The following RFX4 variants were observed in gnomAD, a reference collection of about 807,000 sequenced individuals.
The protein encoded by RFX4 is transcription factor RFX4.
In RFX4, 10 loss-of-function variants were observed where a neutral mutation model predicts 95.0. The ratio of observed to expected loss-of-function variants is 0.11; its 90% confidence interval spans 0.06 to 0.18. The LOEUF is 0.18. Ranked by LOEUF, RFX4 falls within the 10% of genes least tolerant of loss-of-function variation. RFX4 has a pLI of 1.00. For missense variants in RFX4, 640 were observed against 922.0 expected, an observed-to-expected ratio of 0.69 and a Z score of 3.96; for synonymous variants, 321 against 340.7, an observed-to-expected ratio of 0.94 and a Z score of 0.64.
chr12:106,759,002 C>T (rs760998428), intron 17 of RFX4, among the ~76,000 whole-genome samples: 4 of 152,168 alleles, frequency 2.6e-5, no homozygotes, highest in Non-Finnish European at 5.9e-5. Context: ...GTGCTAGGCA[C>T]CATGCCAGAT....
chr12:106,654,239 A>G lies in RFX4; in HGVS notation c.203A>G (p.Asn68Ser), dbSNP rs374423217. 2.5e-6 allele frequency: 4 copies of G among 1,613,884 alleles called. No homozygotes were observed. Among genetic ancestry groups the G allele is most frequent in the Non-Finnish European group, 3.4e-6 (4 of 1,179,928 alleles). ...GTTTATTTCCCTAGGCTGGAGGAGA[A>G]CTATGAGATTGCAGAGGGGGTCTGC... Reference protein sequence around the residue: ...TPATLQWLEENYEIAEGVCIP... With the variant: ...TPATLQWLEESYEIAEGVCIP... The change falls in exon 4 of 18, where the codon AAC becomes AGC. Residue 68 changes from asparagine to serine, a missense_variant. Asn to Ser is a conservative substitution (Grantham distance 46). Transcript: ENST00000392842.
intron 13 of RFX4, among the ~76,000 whole-genome samples, chr12:106,723,229 T>C (rs1341663465): frequency 6.6e-6 from 1 of 152,200 alleles, no homozygotes; most frequent in African/African-American, 2.4e-5. Flanking sequence ...ACTTTCTTTC[T>C]TTGCTGCAAG....
chr12:106,603,056 C>A (rs569559996), intron 1 of RFX4, among the ~76,000 whole-genome samples: 1 of 152,310 alleles, frequency 6.6e-6, no homozygotes, highest in South Asian at 2.1e-4. Flanking sequence ...TGTTCATCCC[C>A]TCTGTTTGAA....
chr12:106,707,462 G>A (rs1170070395), intron 8 of RFX4, among the ~76,000 whole-genome samples: 1 of 152,134 alleles, frequency 6.6e-6, no homozygotes, highest in East Asian at 1.9e-4. Context: ...TGATGACCAG[G>A]CAGAGGGCAG....
intron 1 of RFX4, among the ~76,000 whole-genome samples, chr12:106,595,476 A>C (rs568045638): frequency 2.4e-4 from 37 of 152,338 alleles, no homozygotes; most frequent in African/African-American, 8.7e-4. Flanking sequence ...CTCTAGCAGC[A>C]GGCTGCTGAG....
At chr12:106,608,717 C>T (rs2039890447) in intron 1 of RFX4, 80 bp from the exon 2 acceptor site, 1 of 1,304,172 alleles carries the variant, frequency 7.7e-7, no homozygotes, top group Admixed American at 2.4e-5. Flanking sequence ...TGTTCTGTCT[C>T]TTCACAAACA....
intron 15 of RFX4, among the ~76,000 whole-genome samples, chr12:106,741,679 C>T (rs1017696472): frequency 1.3e-5 from 2 of 152,154 alleles, no homozygotes; most frequent in Non-Finnish European, 1.5e-5. Context: ...TAGGTTAAAA[C>T]TTGAGCAATA....
At chr12:106,683,736 T>G (rs1350272261) in intron 5 of RFX4, 2 of 152,330 alleles carry the variant, frequency 1.3e-5, no homozygotes, top group East Asian at 3.9e-4. Context: ...GATAGCTTGT[T>G]GCTCATTTCT....
intron 3 of RFX4, among the ~76,000 whole-genome samples, chr12:106,652,322 T>A (rs1469057320): frequency 6.6e-6 from 1 of 152,244 alleles, no homozygotes. Context: ...ATCTGTTCAC[T>A]GTATGCAAGC....
At chr12:106,719,737 A>G (rs1332900258) in intron 11 of RFX4, among the ~76,000 whole-genome samples, 1 of 152,204 alleles carries the variant, frequency 6.6e-6, no homozygotes, top group Non-Finnish European at 1.5e-5. Context: ...GGCAAGTAAT[A>G]TGGGATAGCC....
rs28393638 is a variant in RFX4, at chr12:106,586,980, T to C, written c.43+3617T>C. On this transcript the variant is annotated intron_variant, in intron 1 of 17. Coordinates refer to ENST00000392842, the MANE Select transcript of RFX4 (RefSeq NM_213594.3). The surrounding 1 kb of genome is among the most constrained non-coding windows in gnomAD (Gnocchi z 5.6). ...CTCGCCCTCCCCGGGCGTGTGTGTGTGCGCGCGCGCGGGCGAACGGGGCAT... is the reference window on the plus strand; with the variant it reads ...CTCGCCCTCCCCGGGCGTGTGTGTGCGCGCGCGCGCGGGCGAACGGGGCAT... 0.18 allele frequency among the ~76,000 whole-genome samples: 27,355 copies of C among 152,086 alleles called. 2,895 individuals are homozygous for C. Among genetic ancestry groups the C allele is most frequent in the African/African-American group, 0.31 (12,749 of 41,480 alleles).
intron 2 of RFX4, among the ~76,000 whole-genome samples, chr12:106,635,942 C>A (rs898359492): frequency 6.6e-6 from 1 of 152,196 alleles, no homozygotes; most frequent in Non-Finnish European, 1.5e-5. Context: ...TAGGGGTTCA[C>A]TTACCCACAT....
chr12:106,716,445 G>A (rs530971201), intron 11 of RFX4, among the ~76,000 whole-genome samples: 3 of 152,088 alleles, frequency 2.0e-5, no homozygotes, highest in Middle Eastern at 3.4e-3. Context: ...TATGCCTTCT[G>A]CACTGCTGTC....
chr12:106,672,648 C>G (rs2041306565), intron 4 of RFX4, among the ~76,000 whole-genome samples: 1 of 152,034 alleles, frequency 6.6e-6, no homozygotes, highest in Admixed American at 6.5e-5. Flanking sequence ...CTGAACCGAC[C>G]CTGCATTTTG....
chr12:106,735,881 C>T (rs1261254333), intron 15 of RFX4, among the ~76,000 whole-genome samples: 1 of 152,120 alleles, frequency 6.6e-6, no homozygotes, highest in Non-Finnish European at 1.5e-5. Flanking sequence ...TAAACTAATG[C>T]TATGAGGTTC....
At chr12:106,629,827 C>A (rs193045182) in intron 2 of RFX4, among the ~76,000 whole-genome samples, 1 of 152,118 alleles carries the variant, frequency 6.6e-6, no homozygotes, top group African/African-American at 2.4e-5. Context: ...TATGACCCTC[C>A]GGCCTCAGCC....
intron 2 of RFX4, among the ~76,000 whole-genome samples, chr12:106,610,971 A>G (rs756950935): frequency 1.3e-5 from 2 of 151,934 alleles, no homozygotes; most frequent in African/African-American, 4.8e-5. Flanking sequence ...CTTCCTAGTC[A>G]TCATTTGTTA....
chr12:106,603,746 T>C (rs186046032), intron 1 of RFX4, among the ~76,000 whole-genome samples: 1 of 152,360 alleles, frequency 6.6e-6, no homozygotes. Flanking sequence ...TATTGCAGCA[T>C]TGATCACAGT....
Position 106,716,387 on chromosome 12 carries a change from G to A in RFX4, c.1138+843G>A, listed in dbSNP as rs546735669. On this transcript the variant is annotated intron_variant, in intron 11 of 17. Transcript: ENST00000392842. ...AGCTGCAGAGAGGCTGTCCCACCAAGAAGAGGGGTCTTTCTGAAAGCCCCA... is the reference window on the plus strand; with the variant it reads ...AGCTGCAGAGAGGCTGTCCCACCAAAAAGAGGGGTCTTTCTGAAAGCCCCA... Among the ~76,000 whole-genome samples the A allele has an allele frequency of 3.9e-5, 6 of 152,188 alleles. No individual in the cohort carries two copies. In the East Asian group the frequency reaches 1.2e-3, roughly 29 times the overall value.
Sources: allele counts gnomAD v4.1 joint callset (sites outside exome capture counted in the v4.1 genomes callset), GRCh38; gene constraint gnomAD v4.1.1; non-coding constraint Gnocchi (gnomAD v3.1); transcripts MANE v1.5; gene names NCBI Gene and HGNC (gene_info 2026-07-23, HGNC 2026-07-21).